PCDHA2: variants seen among roughly 807,000 people sequenced by gnomAD.
PCDHA2 encodes the protein protocadherin alpha 2.
Under a neutral mutation model 66.0 loss-of-function variants are expected in PCDHA2, and 58 were observed. The ratio of observed to expected loss-of-function variants is 0.88; its 90% CI spans 0.71 to 1.09. The LOEUF is 1.09. PCDHA2 is among the 50% of genes least tolerant of loss of function. The pLI, the probability that PCDHA2 is intolerant of heterozygous loss-of-function variation, is 0.00. For synonymous variants in PCDHA2, 634 were observed against 554.0 expected (o/e 1.14, Z -2.03); for missense variants, 1,267 against 1,242.3 (o/e 1.02, Z -0.30).
chr5:140,909,442 A>T (rs1345461412), intron 1 of PCDHA2, among the ~76,000 whole-genome samples: 11 of 152,234 alleles, frequency 7.2e-5, no homozygotes, highest in African/African-American at 2.7e-4. Context: ...ATCCACTGTC[A>T]TTCTCCAAGA....
rs2150233452 is a variant in PCDHA2 at position 140,835,299 on chromosome 5, G to A, written c.2388+37947G>A. 44 of 1,612,788 alleles carry A rather than the reference G, an allele frequency of 2.7e-5. No homozygotes were observed. The East Asian group carries it at 6.0e-4, about 22-fold the overall frequency. On this transcript the variant is annotated intron_variant, in intron 1 of 3. Transcript: ENST00000526136. ...CTTAAGTGGGGCAATCACAGTGATA[G>A]GACATATGGATTTTGAAGAAAGTAG...
At chr5:140,803,722 G>A (rs1169583815) in intron 1 of PCDHA2, 1 of 1,476,096 alleles carries the variant, frequency 6.8e-7, no homozygotes, top group Non-Finnish European at 9.1e-7. Flanking sequence ...CCAGTTTTGT[G>A]GTTTTGTGGT....
chr5:140,869,511 A>T (rs1160788033), intron 1 of PCDHA2: 4 of 1,614,076 alleles, frequency 2.5e-6, no homozygotes, highest in Non-Finnish European at 2.5e-6. Context: ...TCTCGCTCAG[A>T]GAACAAAAGC....
rs372608018 is a variant in PCDHA2, at chr5:140,875,736, T to C, written c.2388+78384T>C. The C allele has an allele frequency of 2.5e-6, 4 of 1,614,088 alleles. No homozygotes were observed. The African/African-American group carries it at 4.0e-5, about 16-fold the overall frequency. ...AGAATGGCATTTTGTTTGTGAATTCTCGGATCGACCGCGAGAAGCTGTGCG... is the reference window on the plus strand; with the variant it reads ...AGAATGGCATTTTGTTTGTGAATTCCCGGATCGACCGCGAGAAGCTGTGCG... On this transcript the variant is annotated intron_variant, in intron 1 of 3. Transcript: ENST00000526136.
At chr5:140,968,641 C>T (rs782760741) in intron 1 of PCDHA2, 12 of 1,614,006 alleles carry the variant, frequency 7.4e-6, no homozygotes, top group East Asian at 4.5e-5. Context: ...ACCATCTAGC[C>T]CAGACTTCTG....
At chr5:140,830,027 C>T (rs2150179874) in intron 1 of PCDHA2, 11 of 1,613,766 alleles carry the variant, frequency 6.8e-6, no homozygotes, top group Non-Finnish European at 8.5e-6. Context: ...TCCGCGCCAC[C>T]GGCTGCTGGT....
intron 1 of PCDHA2, chr5:140,848,572 T>C: frequency 3.1e-6 from 5 of 1,595,304 alleles, no homozygotes; most frequent in African/African-American, 1.3e-5. Context: ...ATGTGGGTGG[T>C]GGGGAGCGGC....
Position 140,796,950 on chromosome 5 carries a change from G to A in PCDHA2, c.1986G>A (p.Thr662=). The change falls in exon 1 of 4, where the codon ACG becomes ACA. Residue 662 remains threonine (T), a synonymous_variant. Coordinates refer to ENST00000526136, the MANE Select transcript of PCDHA2 (RefSeq NM_018905.3). The stretch of plus-strand genomic sequence containing the variant: ...ACGGCGAACCAGCGTTGACAGCCAC[G>A]GCCACCGTGTTAGTGTCGTTGGTGG... The part of the protein sequence containing the change: ...KDHGEPALTA[T]ATVLVSLVES... The A allele has an allele frequency of 6.2e-7, 1 of 1,613,830 alleles. No individual in the cohort carries two copies. The highest frequency in any genetic ancestry group is 8.5e-7 in the Non-Finnish European group (1 of 1,179,968).
chr5:140,842,853 A>C lies in PCDHA2; in HGVS notation c.2388+45501A>C. On this transcript the variant is annotated intron_variant, in intron 1 of 3. Transcript: ENST00000526136. ...TCGCTGTCGAGCTACATTTCGGTGC[A>C]CACGGAGAGCGGCAAGGTGTACGCG... is the stretch of plus-strand genomic sequence containing the variant. 6.3e-7 allele frequency: 1 copy of C among 1,593,882 alleles called. No individual in the cohort carries two copies. Among genetic ancestry groups the C allele is most frequent in the Middle Eastern group, 2.1e-4 (1 of 4,734 alleles).
chr5:140,883,449 C>G lies in PCDHA2; in HGVS notation c.2388+86097C>G, dbSNP rs782030208. The G allele has an allele frequency of 6.8e-6, 11 of 1,614,058 alleles. No homozygotes were observed. The Admixed American group carries it at 1.8e-4, about 27-fold the overall frequency. On this transcript the variant is annotated intron_variant, in intron 1 of 3. Coordinates refer to ENST00000526136, the MANE Select transcript of PCDHA2 (RefSeq NM_018905.3). Reference sequence around the variant, plus strand: ...ACCTGCACCTTGACGCCGCATGTCCCCTTCAAGCTGGTGTCCACCTACAAG... The same window carrying G: ...ACCTGCACCTTGACGCCGCATGTCCGCTTCAAGCTGGTGTCCACCTACAAG...
intron 1 of PCDHA2, among the ~76,000 whole-genome samples, chr5:140,911,234 C>A (rs1554194655): frequency 6.6e-6 from 1 of 151,890 alleles, no homozygotes; most frequent in South Asian, 2.1e-4. Context: ...TTTCTTCTGG[C>A]AAAAAAAGTT....
intron 1 of PCDHA2, chr5:140,850,199 T>C (rs2041415028): frequency 1.9e-6 from 3 of 1,592,798 alleles, no homozygotes; most frequent in Admixed American, 1.7e-5. Context: ...TGCTGACACC[T>C]CGGATGAGGG....
In PCDHA2 at chr5:140,844,771, C is replaced by A. The variant is rs1035379460; in HGVS notation, c.2388+47419C>A. 3.4e-5 allele frequency among the ~76,000 whole-genome samples: 5 copies of A among 149,070 alleles called. 1 individual carries two copies. Among genetic ancestry groups the A allele is most frequent in the African/African-American group, 7.4e-5 (3 of 40,720 alleles). On this transcript the variant is annotated intron_variant, in intron 1 of 3. Coordinates refer to ENST00000526136, the MANE Select transcript of PCDHA2 (RefSeq NM_018905.3). Reference sequence around the variant, plus strand: ...ATAAATCTTTGAAAAATCCAAGATACTTTATTTTGGTATCTTTCAACATTT... The same window carrying A: ...ATAAATCTTTGAAAAATCCAAGATAATTTATTTTGGTATCTTTCAACATTT...
chr5:140,914,777 C>T (rs1476693090), intron 1 of PCDHA2, among the ~76,000 whole-genome samples: 1 of 151,924 alleles, frequency 6.6e-6, no homozygotes, highest in Non-Finnish European at 1.5e-5. Flanking sequence ...TATGACTTAT[C>T]TTATGACCCA....
intron 1 of PCDHA2, chr5:140,835,893 C>T: frequency 2.5e-6 from 4 of 1,612,040 alleles, no homozygotes; most frequent in Middle Eastern, 2.0e-4. Flanking sequence ...CGAGCGCGCG[C>T]TGTCGAGCTA....
Position 140,884,307 on chromosome 5 carries a change from C to T in PCDHA2, c.2388+86955C>T, listed in dbSNP as rs144612735. 3,633 of 1,613,724 alleles carry T rather than the reference C, an allele frequency of 2.3e-3. 15 individuals are homozygous for T. The highest frequency in any genetic ancestry group is 9.6e-3 in the Middle Eastern group (58 of 6,062). Reference sequence around the variant, plus strand: ...AGCGGCCAAGCGCCACAGGCTTCGTCGAGGGCGTCGGCAGGCGCTGTGGGT... The same window carrying T: ...AGCGGCCAAGCGCCACAGGCTTCGTTGAGGGCGTCGGCAGGCGCTGTGGGT... On this transcript the variant is annotated intron_variant, in intron 1 of 3. Transcript: ENST00000526136.
At chr5:140,901,666 T>C (rs539450371) in intron 1 of PCDHA2, among the ~76,000 whole-genome samples, 12 of 152,346 alleles carry the variant, frequency 7.9e-5, no homozygotes, top group African/African-American at 2.6e-4. Context: ...TTGCTCAAGA[T>C]ACCTTTAGGT....
At chr5:140,892,666 A>G (rs2063614919) in intron 1 of PCDHA2, among the ~76,000 whole-genome samples, 1 of 152,170 alleles carries the variant, frequency 6.6e-6, no homozygotes, top group Admixed American at 6.6e-5. Flanking sequence ...TGACATTTTG[A>G]TACATATATA....
At chr5:140,832,937 G>C (rs1470692327) in intron 1 of PCDHA2, among the ~76,000 whole-genome samples, 3 of 152,104 alleles carry the variant, frequency 2.0e-5, no homozygotes, top group Admixed American at 1.3e-4. Flanking sequence ...TGAGAAGAGA[G>C]TAACTTAAGT....
Sources: gnomAD v4.1 joint callset for allele counts (sites outside exome capture counted in the v4.1 genomes callset) on GRCh38, gnomAD v4.1.1 for gene constraint, MANE v1.5 for transcripts, NCBI Gene and HGNC (gene_info 2026-07-23, HGNC 2026-07-21) for gene names.